The following ARHGEF28 variants were observed in gnomAD, a reference collection of about 807,000 sequenced individuals.
The protein encoded by ARHGEF28 is Rho guanine nucleotide exchange factor 28.
Under a neutral mutation model 206.6 loss-of-function variants are expected in ARHGEF28, and 152 were observed. The ratio of observed to expected loss-of-function variants is 0.74; its 90% CI spans 0.64 to 0.84. The LOEUF (loss-of-function observed/expected upper bound fraction) is 0.84. ARHGEF28 is among the 40% of genes least tolerant of loss of function. The pLI, the probability that ARHGEF28 is intolerant of heterozygous loss-of-function variation, is 0.00. For synonymous variants in ARHGEF28, 763 were observed against 776.4 expected, an observed-to-expected ratio of 0.98 and a Z score of 0.29; for missense variants, 2,028 against 2,073.2, an observed-to-expected ratio of 0.98 and a Z score of 0.42.
chr5:73,782,741 T>A (rs1220179173), intron 7 of ARHGEF28, among the ~76,000 whole-genome samples: 1 of 152,142 alleles, frequency 6.6e-6, no homozygotes, highest in African/African-American at 2.4e-5. Context: ...AGGAGAAAGC[T>A]CTTTCTGGTT....
At chr5:73,854,095 C>A (rs1483554324) in intron 14 of ARHGEF28, among the ~76,000 whole-genome samples, 2 of 152,038 alleles carry the variant, frequency 1.3e-5, no homozygotes, top group Non-Finnish European at 2.9e-5. Flanking sequence ...GCATCTTACT[C>A]TCTCAGTCAT....
rs1211467052 is a variant in ARHGEF28, at chr5:73,849,002, A to G, written c.1662A>G (p.Ser554=). Residue 554 remains serine (S), a synonymous_variant, in exon 13 of 36, where the codon TCA becomes TCG. Coordinates refer to ENST00000513042, the MANE Select transcript of ARHGEF28 (RefSeq NM_001177693.2). ...SKESLLSGVR[S]RSYSCSSPKI... is the part of the protein sequence containing the mutation. ...AATCACTGCTTTCTGGAGTTCGCTC[A>G]CGTTCTTATTCTTGCTCATCACCCA... is the stretch of plus-strand genomic sequence containing the variant. 3.2e-6 allele frequency: 5 copies of G among 1,574,564 alleles called. No individual in the cohort carries two copies. Among genetic ancestry groups the G allele is most frequent in the African/African-American group, 1.3e-5 (1 of 74,182 alleles).
chr5:73,803,725 T>C (rs1057331539), intron 9 of ARHGEF28: 1 of 152,312 alleles, frequency 6.6e-6, no homozygotes, highest in Non-Finnish European at 1.5e-5. Flanking sequence ...AGAGGTCAAA[T>C]AGGAGGCCCA....
intron 9 of ARHGEF28, among the ~76,000 whole-genome samples, chr5:73,812,705 A>G (rs547350876): frequency 7.9e-5 from 12 of 152,184 alleles, no homozygotes; most frequent in Admixed American, 2.0e-4. Context: ...GTTTGTGGTA[A>G]ATTAGTCACC....
intron 2 of ARHGEF28, among the ~76,000 whole-genome samples, chr5:73,690,064 A>AT (rs1747717564): frequency 1.6e-5 from 1 of 61,928 alleles, no homozygotes; most frequent in Non-Finnish European, 3.2e-5. Flanking sequence ...TTTTTAAATT[A>AT]ATTATTTTAA....
chr5:73,857,890 C>T (rs1759149076), intron 15 of ARHGEF28, 111 bp downstream of exon 15: 2 of 1,407,828 alleles, frequency 1.4e-6, no homozygotes, highest in South Asian at 1.5e-5. Flanking sequence ...ATTTTATTTA[C>T]ACATATTTCT....
chr5:73,849,235 C>A (rs1041085561), intron 13 of ARHGEF28, 148 bp downstream of exon 13: 2 of 608,326 alleles, frequency 3.3e-6, no homozygotes, highest in East Asian at 3.1e-5. Context: ...TGACAAAATT[C>A]TTTTCTTATT....
At position 73,857,684 on chromosome 5, in the gene ARHGEF28, A is replaced by G. The variant is rs1461513470; in HGVS notation, c.1819A>G (p.Ile607Val). The G allele has an allele frequency of 1.3e-6, 2 of 1,595,016 alleles. No individual in the cohort carries two copies. Among genetic ancestry groups the G allele is most frequent in the Middle Eastern group, 1.7e-4 (1 of 6,032 alleles). The change falls in exon 15 of 36, where the codon ATC (isoleucine) becomes GTC (valine). Residue 607 changes from isoleucine (I) to valine (V), a missense_variant. This residue lies in a region of ARHGEF28 where 1,002 missense variants were observed against 1,015.3 expected (regional missense o/e 0.99). Transcript: ENST00000513042. ...RIQEEEWDKY[I>V]IPAKSESEKY... ...TCAGGAAGAAGAATGGGATAAATAC[A>G]TCATACCTGCCAAATCAGAGTCTGA...
intron 13 of ARHGEF28, among the ~76,000 whole-genome samples, chr5:73,851,043 C>A (rs991405208): frequency 1.6e-4 from 25 of 152,110 alleles, no homozygotes; most frequent in African/African-American, 6.0e-4. Context: ...AATAAATTAA[C>A]CACTAATGAA....
At chr5:73,762,026 T>C (rs1752628438) in intron 4 of ARHGEF28, among the ~76,000 whole-genome samples, 1 of 147,512 alleles carries the variant, frequency 6.8e-6, no homozygotes, top group Non-Finnish European at 1.5e-5. Flanking sequence ...GAGATGAAGG[T>C]CTTGCTATAT....
chr5:73,804,783 A>T (rs1490509776), intron 9 of ARHGEF28, among the ~76,000 whole-genome samples: 1 of 152,282 alleles, frequency 6.6e-6, no homozygotes, highest in Non-Finnish European at 1.5e-5. Context: ...ATCACACCAT[A>T]TAAAAGGTAC....
chr5:73,724,660 T>C (rs1750171363), intron 2 of ARHGEF28, among the ~76,000 whole-genome samples: 1 of 152,256 alleles, frequency 6.6e-6, no homozygotes, highest in African/African-American at 2.4e-5. Context: ...TCCTATGTTA[T>C]GTAGCCATTC....
intron 27 of ARHGEF28, among the ~76,000 whole-genome samples, 190 bp downstream of exon 27, chr5:73,892,420 C>T (rs548956786): frequency 2.9e-4 from 44 of 152,294 alleles, no homozygotes; most frequent in African/African-American, 1.0e-3. Flanking sequence ...AATGCCTGCA[C>T]CTCCCTCTGC....
chr5:73,873,501 GA>G (rs201922947), intron 22 of ARHGEF28, among the ~76,000 whole-genome samples: 25 of 151,092 alleles, frequency 1.7e-4, no homozygotes, highest in Non-Finnish European at 3.1e-4. Flanking sequence ...GCCACTTAAG[GA>G]AAAAAAAATC....
At chr5:73,663,488 C>T (rs535022838) in intron 1 of ARHGEF28, among the ~76,000 whole-genome samples, 3 of 152,242 alleles carry the variant, frequency 2.0e-5, no homozygotes, top group Admixed American at 6.5e-5. Flanking sequence ...ATCCATTGCA[C>T]TTGAACTGGT....
intron 28 of ARHGEF28, among the ~76,000 whole-genome samples, chr5:73,894,031 C>G (rs1761809034): frequency 6.6e-6 from 1 of 152,210 alleles, no homozygotes; most frequent in Non-Finnish European, 1.5e-5. Context: ...GTATTGTTCA[C>G]TCATCATGGA....
chr5:73,933,362 A>G (rs1001026518), intron 35 of ARHGEF28, among the ~76,000 whole-genome samples: 1 of 152,222 alleles, frequency 6.6e-6, no homozygotes, highest in African/African-American at 2.4e-5. Context: ...AATGAACCTT[A>G]TCCATTTTAT....
chr5:73,638,620 A>G (rs1208955816), intron 1 of ARHGEF28, among the ~76,000 whole-genome samples: 1 of 152,246 alleles, frequency 6.6e-6, no homozygotes, highest in East Asian at 1.9e-4. Context: ...ACTGTTGTGA[A>G]TATAGTGAGT....
intron 15 of ARHGEF28, 140 bp downstream of exon 15, chr5:73,857,919 C>T (rs1759151486): frequency 1.5e-6 from 2 of 1,371,914 alleles, no homozygotes; most frequent in South Asian, 1.5e-5. Context: ...ATTGCTAAAG[C>T]CCAGAATATA....
Sources: allele counts gnomAD v4.1 joint callset (sites outside exome capture counted in the v4.1 genomes callset), GRCh38; gene constraint gnomAD v4.1.1; regional missense constraint gnomAD v4.1.1; transcripts MANE v1.5; gene names NCBI Gene and HGNC (gene_info 2026-07-23, HGNC 2026-07-21).